The following PSD3 variants were observed in gnomAD, a reference collection of about 807,000 sequenced individuals.
PSD3 encodes the protein pleckstrin and Sec7 domain containing 3, also known as PH and SEC7 domain-containing protein 3.
In PSD3, 49 loss-of-function variants were observed where a neutral mutation model predicts 105.5. That is an observed-to-expected ratio of 0.46 (90% confidence interval 0.37 to 0.59). The LOEUF is 0.59. PSD3 is among the 20% of genes least tolerant of loss of function. The pLI is 0.00. For missense variants in PSD3, 1,561 were observed against 1,263.8 expected (o/e 1.24, Z -3.57); for synonymous variants, 557 against 457.8 (o/e 1.22, Z -2.77).
chr8:18,887,913 C>T (rs906950671), intron 2 of PSD3, among the ~76,000 whole-genome samples: 6 of 152,176 alleles, frequency 3.9e-5, no homozygotes, highest in Admixed American at 1.3e-4. Context: ...TTTCTACCAG[C>T]AGCCCTGTGG....
At chr8:18,980,241 C>G (rs1407873823) in intron 1 of PSD3, among the ~76,000 whole-genome samples, 2 of 152,122 alleles carry the variant, frequency 1.3e-5, no homozygotes, top group Non-Finnish European at 2.9e-5. Context: ...CCTGAGTAAC[C>G]CAGACAGTGC....
At chr8:18,626,438 C>T (rs146348363) in intron 11 of PSD3, among the ~76,000 whole-genome samples, 18 of 152,206 alleles carry the variant, frequency 1.2e-4, no homozygotes, top group African/African-American at 3.6e-4. Context: ...TAATATAGGT[C>T]TACCTATAGT....
chr8:18,692,839 G>C (rs1801045971), intron 9 of PSD3, among the ~76,000 whole-genome samples: 1 of 152,118 alleles, frequency 6.6e-6, no homozygotes, highest in South Asian at 2.1e-4. Flanking sequence ...ACTCCTCACT[G>C]GATAAGGTCT....
chr8:18,869,275 C>T lies in PSD3; in HGVS notation c.1239-1206G>A, dbSNP rs562910430. ...TGCAATCTCGGCTCACTGCAGCCTCCGCCTCCCAGGTTCAAGTGACTCTCC... is the reference window on the plus strand; with the variant it reads ...TGCAATCTCGGCTCACTGCAGCCTCTGCCTCCCAGGTTCAAGTGACTCTCC... On this transcript the variant is annotated intron_variant, in intron 3 of 15. Transcript: ENST00000327040. Among the ~76,000 whole-genome samples the T allele has an allele frequency of 8.0e-5, 12 of 150,572 alleles. No individual in the cohort carries two copies. In the East Asian group the frequency reaches 1.8e-3, roughly 22 times the overall value.
intron 11 of PSD3, among the ~76,000 whole-genome samples, chr8:18,621,224 A>C (rs1806087303): frequency 6.6e-6 from 1 of 152,138 alleles, no homozygotes; most frequent in South Asian, 2.1e-4. Flanking sequence ...CCTGGCCAAC[A>C]CAGCAAAACC....
Position 18,856,230 on chromosome 8 carries a change from A to C in PSD3, c.1634+11444T>G, listed in dbSNP as rs375558594. 8.7e-4 allele frequency among the ~76,000 whole-genome samples: 133 copies of C among 152,014 alleles called. 2 individuals carry two copies. The South Asian group carries it at 0.027, about 31-fold the overall frequency. ...CATCCCACGATGCAAGTAACCCCCA[A>C]CTCAGAACCATGAAGCCTGGCTCTC... On this transcript the variant is annotated intron_variant, in intron 4 of 15. Transcript: ENST00000327040.
intron 1 of PSD3, among the ~76,000 whole-genome samples, chr8:19,037,411 AG>A (rs1192509101): frequency 6.6e-6 from 1 of 152,242 alleles, no homozygotes; most frequent in Non-Finnish European, 1.5e-5. Flanking sequence ...GGCAACTTAC[AG>A]GGGCTTTCCT....
intron 9 of PSD3, among the ~76,000 whole-genome samples, chr8:18,699,158 T>G (rs1801430956): frequency 6.6e-6 from 1 of 152,080 alleles, no homozygotes; most frequent in African/African-American, 2.4e-5. Context: ...CTAAGGAATG[T>G]GAGTGAAAGC....
intron 4 of PSD3, among the ~76,000 whole-genome samples, chr8:18,838,817 T>C (rs571304023): frequency 7.4e-6 from 1 of 134,570 alleles, no homozygotes; most frequent in Non-Finnish European, 1.7e-5. Flanking sequence ...ATAATAATAA[T>C]AATAATAATA....
chr8:18,862,591 G>A (rs1394715833), intron 4 of PSD3, among the ~76,000 whole-genome samples: 1 of 152,040 alleles, frequency 6.6e-6, no homozygotes, highest in African/African-American at 2.4e-5. Context: ...TCCGTGGGCA[G>A]CCAGATCTCT....
intron 1 of PSD3, among the ~76,000 whole-genome samples, chr8:19,046,410 G>A (rs1434038930): frequency 2.0e-5 from 3 of 152,094 alleles, no homozygotes; most frequent in African/African-American, 7.2e-5. Flanking sequence ...TGCCTGGCCG[G>A]TAACTAGATC....
At chr8:18,558,615 G>GT (rs1801217510) in intron 14 of PSD3, among the ~76,000 whole-genome samples, 1 of 152,164 alleles carries the variant, frequency 6.6e-6, no homozygotes, top group Non-Finnish European at 1.5e-5. Flanking sequence ...AAGGTCAGGA[G>GT]TTTGAGACCA....
At chr8:18,866,322 G>A (rs1183009329) in intron 4 of PSD3, among the ~76,000 whole-genome samples, 2 of 152,194 alleles carry the variant, frequency 1.3e-5, no homozygotes, top group Non-Finnish European at 2.9e-5. Flanking sequence ...TCTGATCTCA[G>A]AGATACAAGA....
chr8:18,554,436 G>A (rs1325802039), intron 15 of PSD3, among the ~76,000 whole-genome samples: 2 of 152,022 alleles, frequency 1.3e-5, no homozygotes, highest in Non-Finnish European at 2.9e-5. Context: ...GGCTTCTACG[G>A]TTTTTGCTAA....
chr8:18,848,272 C>T (rs1815263371), intron 4 of PSD3, among the ~76,000 whole-genome samples: 1 of 152,170 alleles, frequency 6.6e-6, no homozygotes, highest in Non-Finnish European at 1.5e-5. Context: ...CTGAACGCAA[C>T]ACAACATAAA....
chr8:18,571,213 A>G (rs1802116273), intron 14 of PSD3, among the ~76,000 whole-genome samples: 1 of 152,114 alleles, frequency 6.6e-6, no homozygotes, highest in African/African-American at 2.4e-5. Context: ...CCAAAATCCT[A>G]CACACGACAA....
intron 1 of PSD3, among the ~76,000 whole-genome samples, chr8:19,011,378 T>C (rs1163175044): frequency 1.3e-5 from 2 of 152,224 alleles, no homozygotes; most frequent in African/African-American, 2.4e-5. Context: ...ACCATGGACA[T>C]GTTTTTTCAA....
intron 1 of PSD3, among the ~76,000 whole-genome samples, chr8:19,073,851 T>C (rs1317238604): frequency 6.6e-6 from 1 of 151,208 alleles, no homozygotes; most frequent in African/African-American, 2.4e-5. Context: ...AGTGCAGTGG[T>C]AGGATCTCGG....
intron 14 of PSD3, among the ~76,000 whole-genome samples, chr8:18,567,563 T>C (rs772386757): frequency 6.6e-6 from 1 of 152,172 alleles, no homozygotes; most frequent in Non-Finnish European, 1.5e-5. Context: ...TGTACAGTAA[T>C]AGTAATGCTT....
Sources: gnomAD v4.1 joint callset for allele counts (sites outside exome capture counted in the v4.1 genomes callset) on GRCh38, gnomAD v4.1.1 for gene constraint, MANE v1.5 for transcripts, NCBI Gene and HGNC (gene_info 2026-07-23, HGNC 2026-07-21) for gene names.